The following CNTN5 variants were observed in gnomAD, a reference collection of about 807,000 sequenced individuals.
CNTN5 encodes the protein contactin 5.
In CNTN5, 77 loss-of-function variants were observed where a neutral mutation model predicts 129.1. The ratio of observed to expected loss-of-function variants is 0.60; its 90% CI spans 0.50 to 0.72. The LOEUF is 0.72. Ranked by LOEUF, CNTN5 falls within the 30% of genes least tolerant of loss-of-function variation. The pLI, the probability that CNTN5 is intolerant of heterozygous loss-of-function variation, is 0.00. For synonymous variants in CNTN5, 509 were observed against 465.6 expected (o/e 1.09, Z -1.20); for missense variants, 1,478 against 1,328.8 (o/e 1.11, Z -1.75).
At chr11:99,055,087 A>C (rs374164418) in intron 1 of CNTN5, among the ~76,000 whole-genome samples, 16 of 152,012 alleles carry the variant, frequency 1.1e-4, no homozygotes, top group African/African-American at 3.9e-4. Context: ...CTAGGTCCCT[A>C]GAATTTCCAT....
intron 2 of CNTN5, among the ~76,000 whole-genome samples, chr11:99,396,053 A>G (rs1941505548): frequency 6.6e-6 from 1 of 151,848 alleles, no homozygotes; most frequent in Non-Finnish European, 1.5e-5. Flanking sequence ...TATGAATTTT[A>G]AAATGGCTTT....
chr11:100,088,999 C>A (rs1944655101), intron 13 of CNTN5, among the ~76,000 whole-genome samples: 1 of 152,102 alleles, frequency 6.6e-6, no homozygotes, highest in East Asian at 1.9e-4. Flanking sequence ...TACTAGCAAA[C>A]CTAATCTAAA....
chr11:100,109,387 C>T (rs1391292386), intron 13 of CNTN5, among the ~76,000 whole-genome samples: 4 of 152,308 alleles, frequency 2.6e-5, no homozygotes, highest in African/African-American at 4.8e-5. Flanking sequence ...GATTGCGCCG[C>T]TGTCCTCTAG....
chr11:99,817,909 G>A (rs946316983), intron 3 of CNTN5, among the ~76,000 whole-genome samples: 3 of 152,058 alleles, frequency 2.0e-5, no homozygotes, highest in Non-Finnish European at 4.4e-5. Flanking sequence ...AAAGAGTCAA[G>A]GACATGAATC....
chr11:99,668,271 A>G (rs76430248), intron 3 of CNTN5, among the ~76,000 whole-genome samples: 1,644 of 152,256 alleles, frequency 0.011, 36 homozygotes, highest in African/African-American at 0.036. Context: ...AGAAGAATAC[A>G]TTCTATTCTA....
intron 13 of CNTN5, among the ~76,000 whole-genome samples, chr11:100,077,136 T>C (rs1944163136): frequency 6.6e-6 from 1 of 152,202 alleles, no homozygotes; most frequent in African/African-American, 2.4e-5. Context: ...TGCTTTTCTG[T>C]TATAATGCAC....
At chr11:99,160,631 A>G (rs1860562762) in intron 1 of CNTN5, among the ~76,000 whole-genome samples, 1 of 152,146 alleles carries the variant, frequency 6.6e-6, no homozygotes, top group Admixed American at 6.5e-5. Flanking sequence ...TTAGTCTGAA[A>G]CCCCAACAGT....
chr11:100,106,111 G>A (rs1272634687), intron 13 of CNTN5, among the ~76,000 whole-genome samples: 1 of 152,090 alleles, frequency 6.6e-6, no homozygotes, highest in Non-Finnish European at 1.5e-5. Flanking sequence ...CCCACAAAGG[G>A]CGATTCAGGG....
At chr11:99,357,388 A>AATAACAATATTATATACTTGAAATTAC in intron 2 of CNTN5, among the ~76,000 whole-genome samples, 1 of 151,816 alleles carries the variant, frequency 6.6e-6, no homozygotes, top group Non-Finnish European at 1.5e-5. Context: ...ACTGAAATTA[A>AATAACAATATTATATACTTGAAATTAC]ATAACAATAT....
At chr11:100,319,407 C>A (rs988919067) in intron 21 of CNTN5, among the ~76,000 whole-genome samples, 1 of 152,144 alleles carries the variant, frequency 6.6e-6, no homozygotes, top group African/African-American at 2.4e-5. Context: ...CCTGCCTCAG[C>A]CTCTGAAAGT....
intron 1 of CNTN5, among the ~76,000 whole-genome samples, chr11:99,249,313 T>G (rs1488028637): frequency 4.6e-5 from 7 of 152,138 alleles, no homozygotes; most frequent in Admixed American, 4.6e-4. Flanking sequence ...TGCACATTGA[T>G]TTTGTATCCT....
intron 17 of CNTN5, among the ~76,000 whole-genome samples, chr11:100,267,272 C>CAT (rs1950322827): frequency 7.2e-6 from 1 of 138,730 alleles, no homozygotes; most frequent in Admixed American, 7.2e-5. Flanking sequence ...CACACACACA[C>CAT]ACACACACAG....
intron 9 of CNTN5, among the ~76,000 whole-genome samples, chr11:100,040,679 G>A (rs544374818): frequency 2.0e-5 from 3 of 152,060 alleles, no homozygotes; most frequent in South Asian, 2.1e-4. Flanking sequence ...TCAATGGTGG[G>A]CGCCCCTCCC....
chr11:99,151,334 G>C (rs950997673), intron 1 of CNTN5, among the ~76,000 whole-genome samples: 1 of 152,112 alleles, frequency 6.6e-6, no homozygotes, highest in Non-Finnish European at 1.5e-5. Context: ...AAATGAGAAA[G>C]AGTTGAGAGG....
chr11:99,595,054 G>A (rs1950083859), intron 3 of CNTN5, among the ~76,000 whole-genome samples: 1 of 152,148 alleles, frequency 6.6e-6, no homozygotes, highest in East Asian at 1.9e-4. Flanking sequence ...CCAGAGGCTG[G>A]TAAGGTAGTG....
chr11:99,374,677 C>CA (rs1365765830), intron 2 of CNTN5, among the ~76,000 whole-genome samples: 1 of 151,712 alleles, frequency 6.6e-6, no homozygotes, highest in Non-Finnish European at 1.5e-5. Flanking sequence ...GAGTGAGACT[C>CA]AGTCTCAAAA....
At chr11:100,207,269 T>G (rs544044903) in intron 15 of CNTN5, among the ~76,000 whole-genome samples, 2 of 152,166 alleles carry the variant, frequency 1.3e-5, no homozygotes, top group African/African-American at 4.8e-5. Flanking sequence ...AAGCTTGTTC[T>G]TACAATTAAT....
At chr11:99,881,156 G>C (rs79753368) in intron 6 of CNTN5, among the ~76,000 whole-genome samples, 1 of 152,202 alleles carries the variant, frequency 6.6e-6, no homozygotes, top group Non-Finnish European at 1.5e-5. Context: ...CAGGTATGAT[G>C]AGTGAGATTT....
intron 2 of CNTN5, among the ~76,000 whole-genome samples, chr11:99,457,943 T>C (rs1172251370): frequency 2.6e-5 from 4 of 151,894 alleles, no homozygotes; most frequent in African/African-American, 7.2e-5. Context: ...TTTGTTGACA[T>C]CCTACATTTT....
Sources: allele counts gnomAD v4.1 joint callset (sites outside exome capture counted in the v4.1 genomes callset), GRCh38; gene constraint gnomAD v4.1.1; transcripts MANE v1.5; gene names NCBI Gene and HGNC (gene_info 2026-07-23, HGNC 2026-07-21).